IL17RC: variants seen among roughly 807,000 people sequenced by gnomAD.
IL17RC encodes the protein interleukin 17 receptor C.
IL17RC carries 53 observed loss-of-function variants against 86.7 expected under a neutral mutation model. The observed-to-expected ratio is 0.61, with a 90% CI of 0.49 to 0.77. IL17RC has a LOEUF of 0.77. Among genes scored for constraint, IL17RC ranks in the 30% least tolerant of loss-of-function variants. IL17RC has a pLI of 0.00. For missense variants in IL17RC, 957 were observed against 940.0 expected (o/e 1.02, Z -0.24); for synonymous variants, 439 against 413.1 (o/e 1.06, Z -0.76).
chr3:9,920,988 G>A lies in IL17RC; in HGVS notation c.622+19G>A, dbSNP rs757684158. 1.3e-6 allele frequency: 2 copies of A among 1,556,498 alleles called. No homozygotes were observed. Among genetic ancestry groups the A allele is most frequent in the African/African-American group, 1.4e-5 (1 of 72,316 alleles). On this transcript the variant is annotated intron_variant, in intron 7 of 18. Transcript: ENST00000403601. ...TGCTGGGGTAGGGGCTAGGGCCAGT[G>A]GGCCGGGGGTAGGGAGGGGCAGGGT...
Position 9,918,052 on chromosome 3 carries a change from T to C in IL17RC, c.257T>C (p.Val86Ala), listed in dbSNP as rs2083251453. Residue 86 changes from valine (V) to alanine (A), a missense_variant, in exon 3 of 19, where the codon GTG (valine) becomes GCG (alanine). Transcript: ENST00000403601. ...KETDCDLCLRVAVHLAVHGHW... is the reference protein window; with the variant it reads ...KETDCDLCLRAAVHLAVHGHW... ...ACCGACTGTGACCTCTGTCTGCGTG[T>C]GGCTGTCCACTTGGCCGTGCATGGT... The C allele has an allele frequency of 6.3e-7, 1 of 1,591,426 alleles. No homozygotes were observed. Among genetic ancestry groups the C allele is most frequent in the African/African-American group, 1.3e-5 (1 of 74,296 alleles).
At position 9,933,487 on chromosome 3, in the gene IL17RC, G is replaced by A. The variant is rs771035296; in HGVS notation, c.2057G>A (p.Arg686Gln). The A allele has an allele frequency of 1.3e-5, 21 of 1,611,840 alleles. No individual in the cohort carries two copies. Among genetic ancestry groups the A allele is most frequent in the Admixed American group, 3.3e-5 (2 of 59,894 alleles). The change falls in exon 19 of 19, where the codon CGG (arginine) becomes CAG (glutamine). Residue 686 changes from arginine to glutamine, a missense_variant. By Grantham distance (43) the Arg-to-Gln change is conservative. Coordinates refer to ENST00000403601, the MANE Select transcript of IL17RC (RefSeq NM_153460.4). ...CAAGAGAGAGCGGAGCAAGTGTCCC[G>A]GGCCCTTCAGCCAGCCCTGGATAGC... ...RLQERAEQVS[R>Q]ALQPALDSYF...
At chr3:9,920,844 GC>G in intron 6 of IL17RC, 80 bp from the exon 7 acceptor site, 5 of 1,114,314 alleles carry the variant, frequency 4.5e-6, no homozygotes, top group Non-Finnish European at 3.9e-6. Context: ...CATTCCTAAT[GC>G]CCCCCTGGGA....
At chr3:9,918,814 C>T (rs1575524051) in intron 5 of IL17RC, among the ~76,000 whole-genome samples, 1 of 152,178 alleles carries the variant, frequency 6.6e-6, no homozygotes, top group African/African-American at 2.4e-5. Flanking sequence ...TTCTGATCAG[C>T]GCTGTGGGCA....
At chr3:9,924,041 A>C in intron 8 of IL17RC, 21 bp downstream of exon 8, 1 of 1,612,720 alleles carries the variant, frequency 6.2e-7, no homozygotes. Context: ...CCCCTTCCCA[A>C]GTCCATTCCC....
chr3:9,923,377 A>G (rs1327491472), intron 7 of IL17RC, among the ~76,000 whole-genome samples: 1 of 150,984 alleles, frequency 6.6e-6, no homozygotes, highest in Non-Finnish European at 1.5e-5. Context: ...CATGAGCGAA[A>G]TCCCATCTCT....
chr3:9,931,347 C>G (rs2084635924), intron 16 of IL17RC, among the ~76,000 whole-genome samples: 1 of 151,592 alleles, frequency 6.6e-6, no homozygotes, highest in Non-Finnish European at 1.5e-5. Flanking sequence ...GATACAGGGT[C>G]TTGGACAGGC....
intron 16 of IL17RC, among the ~76,000 whole-genome samples, chr3:9,931,163 G>A (rs1457698200): frequency 6.6e-6 from 1 of 152,056 alleles, no homozygotes; most frequent in Non-Finnish European, 1.5e-5. Flanking sequence ...TAGAAGACTA[G>A]CAAGACATGA....
intron 7 of IL17RC, among the ~76,000 whole-genome samples, chr3:9,923,540 A>C (rs1397501810): frequency 6.6e-6 from 1 of 150,972 alleles, no homozygotes; most frequent in Non-Finnish European, 1.5e-5. Context: ...ACAGAGCAAG[A>C]CTCCCTCTCA....
Position 9,930,536 on chromosome 3 carries a change from T to C in IL17RC, c.1338+77T>C. 1 of 1,382,200 alleles carries C rather than the reference T, an allele frequency of 7.2e-7. No homozygotes were observed. Among genetic ancestry groups the C allele is most frequent in the Non-Finnish European group, 1.0e-6 (1 of 984,984 alleles). The allele number at this position is 1,382,200 out of a possible 1,614,324, so 85.6% of individuals were successfully genotyped here. On this transcript the variant is annotated intron_variant, in intron 15 of 18. Transcript: ENST00000403601. This position sits in a 1 kb window ranked among gnomAD's most constrained non-coding sequence, Gnocchi z 5.8. ...AAAACTAGCACTCACCTACTGTCTA[T>C]TTAGGCTTATTTTATGTTCAGCCCT...
rs778205259 is a variant in IL17RC at position 9,928,487 on chromosome 3, G to C, written c.1059+1G>C. ...TTCCTGGGAGAACGTCACTGTGGAC[G>C]TAAGTGAAGCAGAGGGCACCTCCCG... On this transcript the variant is annotated splice_donor_variant, in intron 11 of 18. Coordinates refer to ENST00000403601, the MANE Select transcript of IL17RC (RefSeq NM_153460.4). LOFTEE classifies it high-confidence loss of function. 3.1e-6 allele frequency: 5 copies of C among 1,612,304 alleles called. No individual in the cohort carries two copies. The highest frequency in any genetic ancestry group is 4.2e-6 in the Non-Finnish European group (5 of 1,179,790).
intron 7 of IL17RC, among the ~76,000 whole-genome samples, chr3:9,922,003 A>G (rs2083616394): frequency 7.8e-6 from 1 of 127,716 alleles, no homozygotes; most frequent in Admixed American, 9.7e-5. Flanking sequence ...CCTAGGCTGG[A>G]CTGCAGTGGT....
intron 16 of IL17RC, among the ~76,000 whole-genome samples, chr3:9,931,819 T>A (rs974550262): frequency 1.7e-4 from 26 of 149,346 alleles, no homozygotes; most frequent in African/African-American, 6.5e-4. Context: ...TTTATATTTT[T>A]AAAAGATCTC....
chr3:9,917,878 T>C, intron 2 of IL17RC, 45 bp from the exon 3 acceptor site: 1 of 1,612,570 alleles, frequency 6.2e-7, no homozygotes, highest in Non-Finnish European at 8.5e-7. Context: ...CACCAAATTC[T>C]GGGCTTGGAA....
intron 7 of IL17RC, among the ~76,000 whole-genome samples, chr3:9,921,456 AAAAACAAAAC>A (rs56964723): frequency 6.7e-6 from 1 of 149,752 alleles, no homozygotes; most frequent in Non-Finnish European, 1.5e-5. Context: ...CTCCGTCTCA[AAAAACAAAAC>A]AAAACAAAAC....
rs373102928 is a variant in IL17RC, at chr3:9,923,858, G to T, written c.623-23G>T. 4 of 1,612,788 alleles carry T rather than the reference G, an allele frequency of 2.5e-6. No homozygotes were observed. In the Admixed American group the frequency reaches 5.0e-5, roughly 20 times the overall value. On this transcript the variant is annotated intron_variant, in intron 7 of 18. Transcript: ENST00000403601. Reference sequence around the variant, plus strand: ...GAAGAGGTGAGGAAGTCTAAGCTGCGCTCTCTTTGCCTCTCCCACCAGCCC... The same window carrying T: ...GAAGAGGTGAGGAAGTCTAAGCTGCTCTCTCTTTGCCTCTCCCACCAGCCC...
chr3:9,928,517 G>A, intron 11 of IL17RC, 31 bp downstream of exon 11: 3 of 1,613,544 alleles, frequency 1.9e-6, no homozygotes, highest in Non-Finnish European at 2.5e-6. Context: ...CTCCCGTGGT[G>A]AGGGGAGAGT....
In IL17RC at chr3:9,930,254, G is replaced by C; in HGVS notation, c.1278+105G>C. On this transcript the variant is annotated intron_variant, in intron 14 of 18. Coordinates refer to ENST00000403601, the MANE Select transcript of IL17RC (RefSeq NM_153460.4). This position sits in a 1 kb window ranked among gnomAD's most constrained non-coding sequence, Gnocchi z 5.8. ...CTGTGCCGGTCTCTGGGAACATGGG[G>C]GGTGACTCAGACCAGGGCCATATTC... The C allele has an allele frequency of 6.4e-7, 1 of 1,550,980 alleles. No homozygotes were observed. The highest frequency in any genetic ancestry group is 1.2e-5 in the South Asian group (1 of 85,842).
In IL17RC at chr3:9,933,426, C is replaced by T. The variant is rs1644022253; in HGVS notation, c.1996C>T (p.Leu666=). 6.2e-7 allele frequency: 1 copy of T among 1,613,230 alleles called. No individual in the cohort carries two copies. The change falls in exon 19 of 19, where the codon CTG becomes TTG. Residue 666 remains leucine, a synonymous_variant. Coordinates refer to ENST00000403601, the MANE Select transcript of IL17RC (RefSeq NM_153460.4). ...PSQLPDFLGA[L]QQPRAPRSGR... ...CCAACTGCCAGACTTCCTGGGGGCC[C>T]TGCAGCAGCCTCGCGCCCCGCGTTC... is the stretch of plus-strand genomic sequence containing the variant.
Sources: allele counts gnomAD v4.1 joint callset (sites outside exome capture counted in the v4.1 genomes callset), GRCh38; gene constraint gnomAD v4.1.1; non-coding constraint Gnocchi (gnomAD v3.1); transcripts MANE v1.5; gene names NCBI Gene and HGNC (gene_info 2026-07-23, HGNC 2026-07-21).